The following GAS2 variants were observed in gnomAD, a reference collection of about 807,000 sequenced individuals.
GAS2 encodes growth arrest specific 2.
In GAS2, 20 loss-of-function variants were observed where a neutral mutation model predicts 37.5. That is an observed-to-expected ratio of 0.53 (90% CI 0.37 to 0.77). The LOEUF (loss-of-function observed/expected upper bound fraction) is 0.77. GAS2 is among the 30% of genes least tolerant of loss of function. GAS2 has a pLI of 0.00. For synonymous variants in GAS2, 144 were observed against 132.2 expected (o/e 1.09, Z -0.61); for missense variants, 336 against 373.4 (o/e 0.90, Z 0.82).
intron 4 of GAS2, among the ~76,000 whole-genome samples, chr11:22,732,617 C>T (rs1852532579): frequency 6.6e-6 from 1 of 151,684 alleles, no homozygotes; most frequent in African/African-American, 2.4e-5. Context: ...GGGTCTTACT[C>T]AGAGTGACAT....
At chr11:22,627,111 G>C (rs1019045459) in intron 1 of GAS2, among the ~76,000 whole-genome samples, 1 of 152,058 alleles carries the variant, frequency 6.6e-6, no homozygotes, top group Admixed American at 6.6e-5. Context: ...ATTTTTATTA[G>C]TTATCTCAAA....
intron 1 of GAS2, among the ~76,000 whole-genome samples, chr11:22,634,313 CAT>C (rs1391107686): frequency 2.0e-5 from 3 of 152,114 alleles, no homozygotes; most frequent in African/African-American, 7.2e-5. Context: ...CCTCCCACAA[CAT>C]GTGGGAATTA....
chr11:22,769,275 C>T (rs371711961), intron 7 of GAS2, among the ~76,000 whole-genome samples: 122 of 152,312 alleles, frequency 8.0e-4, no homozygotes, highest in African/African-American at 2.9e-3. Context: ...GCCAACATGA[C>T]AGGCAGGTAG....
intron 7 of GAS2, among the ~76,000 whole-genome samples, chr11:22,780,225 C>T (rs776438306): frequency 2.0e-5 from 3 of 152,030 alleles, no homozygotes; most frequent in Non-Finnish European, 2.9e-5. Flanking sequence ...GAGGGCTGGA[C>T]GTGGCTCATG....
intron 7 of GAS2, among the ~76,000 whole-genome samples, chr11:22,776,889 A>G (rs1281888651): frequency 6.6e-6 from 1 of 152,152 alleles, no homozygotes; most frequent in Non-Finnish European, 1.5e-5. Flanking sequence ...GTGTGTGGAC[A>G]GTGTTATATG....
chr11:22,787,207 C>T (rs779156220), intron 7 of GAS2, among the ~76,000 whole-genome samples: 5 of 152,096 alleles, frequency 3.3e-5, no homozygotes, highest in East Asian at 3.9e-4. Context: ...AAATGTATGA[C>T]GTAAATCCAG....
At chr11:22,677,643 G>C (rs1292417003) in intron 2 of GAS2, among the ~76,000 whole-genome samples, 4 of 152,172 alleles carry the variant, frequency 2.6e-5, no homozygotes, top group Non-Finnish European at 5.9e-5. Context: ...GCCCAAGACA[G>C]CCTCAAAGAA....
chr11:22,715,460 C>CAAAAAAAAAA, intron 3 of GAS2, among the ~76,000 whole-genome samples: 18 of 41,720 alleles, frequency 4.3e-4, no homozygotes, highest in African/African-American at 2.0e-3. Flanking sequence ...GACTCTGTCT[C>CAAAAAAAAAA]AAAAAAAAAA....
intron 1 of GAS2, among the ~76,000 whole-genome samples, chr11:22,647,455 A>G (rs1390480047): frequency 4.6e-5 from 7 of 152,052 alleles, no homozygotes; most frequent in East Asian, 3.9e-4. Flanking sequence ...GGATGGCTGG[A>G]TCAAATGGTA....
intron 4 of GAS2, among the ~76,000 whole-genome samples, chr11:22,735,805 T>C (rs987567077): frequency 6.6e-6 from 1 of 151,884 alleles, no homozygotes; most frequent in African/African-American, 2.4e-5. Context: ...AGTTAACTAA[T>C]AGTTTTTATA....
chr11:22,765,489 C>G lies in GAS2; in HGVS notation c.723+9536C>G, dbSNP rs978978863. Among the ~76,000 whole-genome samples the G allele has an allele frequency of 2.0e-5, 3 of 151,954 alleles. No individual in the cohort carries two copies. In the South Asian group the frequency reaches 6.2e-4, roughly 32 times the overall value. On this transcript the variant is annotated intron_variant, in intron 7 of 7. Coordinates refer to ENST00000454584, the MANE Select transcript of GAS2 (RefSeq NM_001143830.3). ...ATTACTGCATTGCTATAAAGAAATACCTGAGATTGGCCGGGGGCAGTGGCT... is the reference window on the plus strand; with the variant it reads ...ATTACTGCATTGCTATAAAGAAATAGCTGAGATTGGCCGGGGGCAGTGGCT...
chr11:22,722,906 G>A (rs1852014832), intron 3 of GAS2, among the ~76,000 whole-genome samples: 1 of 151,816 alleles, frequency 6.6e-6, no homozygotes, highest in South Asian at 2.1e-4. Flanking sequence ...GAATTAAGCA[G>A]TTAGTTAATG....
chr11:22,787,179 C>G (rs997287159), intron 7 of GAS2, among the ~76,000 whole-genome samples: 6 of 152,102 alleles, frequency 3.9e-5, no homozygotes, highest in Non-Finnish European at 7.4e-5. Context: ...AAAAAGCTCC[C>G]AGACTTGGAG....
chr11:22,647,295 G>T (rs1348551601), intron 1 of GAS2, among the ~76,000 whole-genome samples: 1 of 151,930 alleles, frequency 6.6e-6, no homozygotes, highest in Non-Finnish European at 1.5e-5. Context: ...GTGTATATGT[G>T]CCACATTTTC....
At chr11:22,672,223 G>A (rs1849234057) in intron 1 of GAS2, among the ~76,000 whole-genome samples, 1 of 152,068 alleles carries the variant, frequency 6.6e-6, no homozygotes, top group Non-Finnish European at 1.5e-5. Context: ...AATTTTGACT[G>A]TATACAAAGT....
intron 2 of GAS2, among the ~76,000 whole-genome samples, chr11:22,683,223 G>A (rs1849780891): frequency 6.6e-6 from 1 of 152,018 alleles, no homozygotes; most frequent in Non-Finnish European, 1.5e-5. Context: ...TAGATATTCT[G>A]AGTTTAACTT....
intron 6 of GAS2, among the ~76,000 whole-genome samples, chr11:22,750,963 G>C (rs1853693201): frequency 6.6e-6 from 1 of 151,638 alleles, no homozygotes; most frequent in Non-Finnish European, 1.5e-5. Context: ...AATTTTTTTA[G>C]TCCGGAAATT....
rs1435379569 is a variant in GAS2, at chr11:22,735,957, T to G, written c.410-1748T>G. Reference sequence around the variant, plus strand: ...CTCTCCTCAGTTTTTACATACTTCTTTCTCCCACTCAAAACTCCTTTTTGT... The same window carrying G: ...CTCTCCTCAGTTTTTACATACTTCTGTCTCCCACTCAAAACTCCTTTTTGT... On this transcript the variant is annotated intron_variant, in intron 4 of 7. Coordinates refer to ENST00000454584, the MANE Select transcript of GAS2 (RefSeq NM_001143830.3). Among the ~76,000 whole-genome samples, 3 of 151,334 alleles carry G rather than the reference T, an allele frequency of 2.0e-5. No individual in the cohort carries two copies. The East Asian group carries it at 5.8e-4, about 29-fold the overall frequency.
intron 3 of GAS2, among the ~76,000 whole-genome samples, chr11:22,695,771 G>A (rs1411804632): frequency 6.6e-6 from 1 of 152,074 alleles, no homozygotes; most frequent in African/African-American, 2.4e-5. Context: ...AAACAAATTT[G>A]AAATAAAGAA....
Sources: gnomAD v4.1 joint callset for allele counts (sites outside exome capture counted in the v4.1 genomes callset) on GRCh38, gnomAD v4.1.1 for gene constraint, MANE v1.5 for transcripts, NCBI Gene and HGNC (gene_info 2026-07-23, HGNC 2026-07-21) for gene names.